Variants in NCOR1 observed in about 807,000 individuals in gnomAD.
NCOR1 encodes the protein protein phosphatase 1, regulatory subunit 109.
NCOR1 carries 63 observed loss-of-function variants against 288.1 expected under a neutral mutation model. That is an observed-to-expected ratio of 0.22 (90% CI 0.18 to 0.27). The LOEUF is 0.27. NCOR1 is among the 10% of genes least tolerant of loss of function. The pLI is 1.00. For synonymous variants in NCOR1, 1,007 were observed against 1,065.9 expected (o/e 0.94, Z 1.08); for missense variants, 2,397 against 3,019.2 (o/e 0.79, Z 4.83).
At chr17:16,094,876 G>A (rs1480772133) in intron 21 of NCOR1, among the ~76,000 whole-genome samples, 1 of 152,188 alleles carries the variant, frequency 6.6e-6, no homozygotes, top group Non-Finnish European at 1.5e-5. Flanking sequence ...GCTCAATGGT[G>A]CCCAGGCTGG....
At chr17:16,082,850 G>T (rs1256933130) in intron 23 of NCOR1, among the ~76,000 whole-genome samples, 1 of 151,542 alleles carries the variant, frequency 6.6e-6, no homozygotes, top group Non-Finnish European at 1.5e-5. Flanking sequence ...AAGAACTAGG[G>T]GTGGGGGTGG....
In NCOR1 at chr17:16,039,460, CTCT is replaced by C. The variant is rs772266619; in HGVS notation, c.6925_6927del (p.Arg2309del). On this transcript the variant is annotated inframe_deletion, in exon 44 of 46. Coordinates refer to ENST00000268712, the MANE Select transcript of NCOR1 (RefSeq NM_006311.4). ...GAATGAGGTGATGGGTCCCCTTCCT[CTCT>C]TCGTGTCTCACCACTGGTCACAACT... is the stretch of plus-strand genomic sequence containing the variant. 26 of 1,614,076 alleles carry C rather than the reference CTCT, an allele frequency of 1.6e-5. No individual in the cohort carries two copies. The East Asian group carries it at 3.3e-4, about 21-fold the overall frequency.
intron 43 of NCOR1, 143 bp from the exon 44 acceptor site, chr17:16,039,797 T>C (rs971131822): frequency 2.1e-5 from 13 of 626,228 alleles, no homozygotes; most frequent in South Asian, 1.2e-4. Context: ...CACAGAGACC[T>C]TTTTTTTTGG....
At chr17:16,064,814 G>GT (rs2060939328) in intron 34 of NCOR1, 56 bp downstream of exon 34, 1 of 1,459,028 alleles carries the variant, frequency 6.9e-7, no homozygotes, top group South Asian at 1.4e-5. Flanking sequence ...AGGCTATGTT[G>GT]TAAAAATGTA....
At chr17:16,167,067 G>A (rs2082158694) in intron 4 of NCOR1, among the ~76,000 whole-genome samples, 2 of 150,692 alleles carry the variant, frequency 1.3e-5, no homozygotes, top group South Asian at 4.1e-4. Flanking sequence ...ATATGCATAT[G>A]AGCAAATTTG....
intron 21 of NCOR1, among the ~76,000 whole-genome samples, chr17:16,098,093 T>C (rs2066956403): frequency 6.6e-6 from 1 of 152,206 alleles, no homozygotes; most frequent in African/African-American, 2.4e-5. Context: ...TGGTTACCAG[T>C]GGCAAGCGGC....
chr17:16,164,512 C>T (rs1338893867), intron 5 of NCOR1, among the ~76,000 whole-genome samples: 1 of 151,836 alleles, frequency 6.6e-6, no homozygotes, highest in Non-Finnish European at 1.5e-5. Context: ...ATTTCATATC[C>T]AACTGAAAAA....
chr17:16,082,178 G>T (rs550013250), intron 23 of NCOR1, among the ~76,000 whole-genome samples: 2 of 151,128 alleles, frequency 1.3e-5, no homozygotes, highest in Admixed American at 6.6e-5. Context: ...ACAGCCAAAA[G>T]AAACAACAAG....
chr17:16,138,905 G>C, intron 12 of NCOR1, 103 bp downstream of exon 12: 1 of 856,732 alleles, frequency 1.2e-6, no homozygotes, highest in Non-Finnish European at 1.7e-6. Context: ...ACCAAAATGG[G>C]ACCAAGTTTT....
chr17:16,036,830 C>T (rs146426498), intron 44 of NCOR1, among the ~76,000 whole-genome samples: 3 of 152,258 alleles, frequency 2.0e-5, no homozygotes, highest in African/African-American at 7.2e-5. Flanking sequence ...CTGTGTGTCA[C>T]GAAACACTGT....
intron 40 of NCOR1, among the ~76,000 whole-genome samples, chr17:16,055,192 A>G (rs2059776660): frequency 6.6e-6 from 1 of 152,238 alleles, no homozygotes; most frequent in Admixed American, 6.5e-5. Flanking sequence ...CCAAAGGAAT[A>G]TAAATCATTC....
At chr17:16,068,928 G>T (rs182509524) in intron 31 of NCOR1, among the ~76,000 whole-genome samples, 1 of 152,078 alleles carries the variant, frequency 6.6e-6, no homozygotes, top group African/African-American at 2.4e-5. Flanking sequence ...TGTTGGCCAG[G>T]ATGGGCTCAA....
chr17:16,192,150 G>A (rs1443082256), intron 2 of NCOR1: 23 of 144,094 alleles, frequency 1.6e-4, no homozygotes, highest in African/African-American at 5.2e-4. Flanking sequence ...CACCATCTTC[G>A]TTTAAAAAAA....
intron 5 of NCOR1, among the ~76,000 whole-genome samples, chr17:16,159,543 C>A (rs2080406859): frequency 6.6e-6 from 1 of 151,438 alleles, no homozygotes; most frequent in Admixed American, 6.6e-5. Context: ...TGAAAAAACA[C>A]TCTTATATGT....
At chr17:16,097,630 C>T (rs551590819) in intron 21 of NCOR1, among the ~76,000 whole-genome samples, 1 of 152,312 alleles carries the variant, frequency 6.6e-6, no homozygotes, top group South Asian at 2.1e-4. Flanking sequence ...ACCCCTTCTG[C>T]ACACCTTGCC....
chr17:16,190,607 C>A (rs180947230), intron 2 of NCOR1, among the ~76,000 whole-genome samples: 2 of 152,068 alleles, frequency 1.3e-5, no homozygotes, highest in African/African-American at 4.8e-5. Context: ...TCCCAAAGTG[C>A]TGGGATTACA....
At chr17:16,051,804 C>T (rs1419695459) in intron 40 of NCOR1, among the ~76,000 whole-genome samples, 1 of 151,978 alleles carries the variant, frequency 6.6e-6, no homozygotes, top group Admixed American at 6.6e-5. Context: ...CCCAGCTACT[C>T]GAGAGGCTGA....
Position 16,101,240 on chromosome 17 carries a change from C to G in NCOR1, c.2690+10G>C. ...GTAAGCACGGGGAGGACTTATGGAA[C>G]GAGCCTCACCTCTGCCTCTCTGGCT... On this transcript the variant is annotated intron_variant, in intron 20 of 45. Coordinates refer to ENST00000268712, the MANE Select transcript of NCOR1 (RefSeq NM_006311.4). 6.4e-7 allele frequency: 1 copy of G among 1,565,464 alleles called. No individual in the cohort carries two copies. Among genetic ancestry groups the G allele is most frequent in the Non-Finnish European group, 8.6e-7 (1 of 1,157,038 alleles).
intron 7 of NCOR1, 94 bp from the exon 8 acceptor site, chr17:16,152,092 T>TCC: frequency 1.4e-6 from 1 of 694,484 alleles, no homozygotes; most frequent in Non-Finnish European, 2.3e-6. Context: ...ACAGGTAAAG[T>TCC]ACTAATGGAT....
Sources: allele counts gnomAD v4.1 joint callset (sites outside exome capture counted in the v4.1 genomes callset), GRCh38; gene constraint gnomAD v4.1.1; transcripts MANE v1.5; gene names NCBI Gene and HGNC (gene_info 2026-07-23, HGNC 2026-07-21).